PTPRG: variants seen among roughly 807,000 people sequenced by gnomAD.
The protein encoded by PTPRG is receptor-type tyrosine-protein phosphatase gamma.
PTPRG carries 102 observed loss-of-function variants against 165.3 expected under a neutral mutation model. That is an observed-to-expected ratio of 0.62 (90% confidence interval 0.53 to 0.73). The LOEUF is 0.73. Ranked by LOEUF, PTPRG falls within the 30% of genes least tolerant of loss-of-function variation. The pLI, the probability that PTPRG is intolerant of heterozygous loss-of-function variation, is 0.00. For synonymous variants in PTPRG, 675 were observed against 669.5 expected (o/e 1.01, Z -0.13); for missense variants, 1,866 against 1,861.4 (o/e 1.00, Z -0.05).
At chr3:61,800,130 C>T (rs2035188008) in intron 2 of PTPRG, among the ~76,000 whole-genome samples, 1 of 152,140 alleles carries the variant, frequency 6.6e-6, no homozygotes, top group African/African-American at 2.4e-5. Flanking sequence ...ATTGTAATTA[C>T]TGAATAAATA....
In PTPRG at chr3:62,248,436, C is replaced by T. The variant is rs147702676; in HGVS notation, c.2467+4538C>T. On this transcript the variant is annotated intron_variant, in intron 15 of 29. Transcript: ENST00000474889. ...AGCATAATTGAATGCAGTAACACAGCTGTCAGTCCCCTCATATGCTTTCCA... is the reference window on the plus strand; with the variant it reads ...AGCATAATTGAATGCAGTAACACAGTTGTCAGTCCCCTCATATGCTTTCCA... Among the ~76,000 whole-genome samples, 434 of 152,270 alleles carry T rather than the reference C, an allele frequency of 2.9e-3. 2 individuals carry two copies. The highest frequency in any genetic ancestry group is 0.01 in the African/African-American group (426 of 41,566).
chr3:62,069,461 A>G (rs969471655), intron 4 of PTPRG, among the ~76,000 whole-genome samples: 2 of 152,200 alleles, frequency 1.3e-5, no homozygotes, highest in Non-Finnish European at 2.9e-5. Context: ...GAAAGAAGTG[A>G]GAGAAGATGA....
intron 1 of PTPRG, among the ~76,000 whole-genome samples, chr3:61,683,719 C>T (rs1703527073): frequency 1.3e-5 from 2 of 152,302 alleles, no homozygotes; most frequent in Non-Finnish European, 2.9e-5. Flanking sequence ...ATGACTTCAC[C>T]GTCACTTGAA....
intron 2 of PTPRG, among the ~76,000 whole-genome samples, chr3:61,872,325 T>TC (rs2037607614): frequency 6.6e-6 from 1 of 152,152 alleles, no homozygotes; most frequent in Non-Finnish European, 1.5e-5. Flanking sequence ...AATAGTCACT[T>TC]CACTCCAGTC....
At chr3:61,775,183 GC>G (rs1319883453) in intron 2 of PTPRG, among the ~76,000 whole-genome samples, 1 of 152,114 alleles carries the variant, frequency 6.6e-6, no homozygotes, top group Non-Finnish European at 1.5e-5. Context: ...TGATTCTCCT[GC>G]CTTGCTCTCC....
intron 1 of PTPRG, chr3:61,742,529 G>A: frequency 6.3e-7 from 1 of 1,596,222 alleles, no homozygotes; most frequent in South Asian, 1.1e-5. Context: ...TTTTTCTTGA[G>A]CAATGACACC....
chr3:62,166,326 A>G (rs990655003), intron 7 of PTPRG, among the ~76,000 whole-genome samples: 4 of 132,740 alleles, frequency 3.0e-5, no homozygotes, highest in African/African-American at 1.1e-4. Context: ...TACTTTTTTT[A>G]TTTTTAAAAA....
intron 28 of PTPRG, among the ~76,000 whole-genome samples, chr3:62,287,022 A>G (rs1305115476): frequency 6.6e-6 from 1 of 152,124 alleles, no homozygotes; most frequent in Non-Finnish European, 1.5e-5. Context: ...AATACTTTTA[A>G]TTTTACTGCT....
chr3:62,003,758 T>G (rs1399471711), intron 4 of PTPRG, among the ~76,000 whole-genome samples: 1 of 152,196 alleles, frequency 6.6e-6, no homozygotes, highest in Non-Finnish European at 1.5e-5. Context: ...ATCATGTGTT[T>G]CATTTGACAC....
Position 61,905,885 on chromosome 3 carries a change from T to G in PTPRG, c.191-83740T>G, listed in dbSNP as rs182623870. 2.8e-3 allele frequency among the ~76,000 whole-genome samples: 427 copies of G among 152,354 alleles called. 3 individuals carry two copies. The highest frequency in any genetic ancestry group is 4.0e-3 in the Non-Finnish European group (275 of 68,036). ...CTAGATGAAATAGACCATTCAGTATTTCATCACTAATTTTACATGTATTAT... is the reference window on the plus strand; with the variant it reads ...CTAGATGAAATAGACCATTCAGTATGTCATCACTAATTTTACATGTATTAT... On this transcript the variant is annotated intron_variant, in intron 2 of 29. Transcript: ENST00000474889.
intron 4 of PTPRG, among the ~76,000 whole-genome samples, chr3:62,005,469 C>G (rs1023441909): frequency 6.6e-6 from 1 of 152,044 alleles, no homozygotes; most frequent in African/African-American, 2.4e-5. Flanking sequence ...GCCTCTTTGT[C>G]TTAGAATTGG....
rs1575502091 is a variant in PTPRG at position 61,562,374 on chromosome 3, T to C, written c.85+2T>C. 6.2e-7 allele frequency: 1 copy of C among 1,613,154 alleles called. No homozygotes were observed. Among genetic ancestry groups the C allele is most frequent in the East Asian group, 2.2e-5 (1 of 44,814 alleles). Reference sequence around the variant, plus strand: ...TCCATTATGTCGTGTGCTTCCCCGGTGAGTGCCGGCCGCCGAGGGGATGCG... The same window carrying C: ...TCCATTATGTCGTGTGCTTCCCCGGCGAGTGCCGGCCGCCGAGGGGATGCG... On this transcript the variant is annotated splice_donor_variant, in intron 1 of 29. Transcript: ENST00000474889. LOFTEE classifies it high-confidence loss of function.
intron 1 of PTPRG, among the ~76,000 whole-genome samples, chr3:61,745,050 A>ATTTTTTTTTTT (rs2033143265): frequency 2.3e-5 from 1 of 43,092 alleles, no homozygotes; most frequent in Admixed American, 2.0e-4. Flanking sequence ...TCATTCCCTC[A>ATTTTTTTTTTT]CTTTTTTTTT....
At chr3:62,257,449 C>T (rs1246390532) in intron 16 of PTPRG, among the ~76,000 whole-genome samples, 1 of 152,116 alleles carries the variant, frequency 6.6e-6, no homozygotes, top group Non-Finnish European at 1.5e-5. Flanking sequence ...ATAATGATGG[C>T]CAGCATTTAC....
Position 62,137,195 on chromosome 3 carries a change from T to G in PTPRG, c.682+4527T>G, listed in dbSNP as rs73840222. On this transcript the variant is annotated intron_variant, in intron 6 of 29. Coordinates refer to ENST00000474889, the MANE Select transcript of PTPRG (RefSeq NM_002841.4). ...AGAAGAAAGACTTAGGGGAAAATTG[T>G]AAATCCTATTCACTGTATTGGTTCA... Among the ~76,000 whole-genome samples the G allele has an allele frequency of 4.4e-3, 672 of 152,312 alleles. 4 individuals carry two copies. Among genetic ancestry groups the G allele is most frequent in the African/African-American group, 0.015 (624 of 41,570 alleles).
intron 2 of PTPRG, among the ~76,000 whole-genome samples, chr3:61,953,139 C>G (rs907583160): frequency 1.3e-5 from 2 of 152,158 alleles, no homozygotes; most frequent in Non-Finnish European, 2.9e-5. Flanking sequence ...TACTCAGAAA[C>G]GCTTTCCCTC....
intron 1 of PTPRG, among the ~76,000 whole-genome samples, chr3:61,610,773 A>C (rs28448565): frequency 0.38 from 15,817 of 41,526 alleles, 1,373 homozygotes; most frequent in Middle Eastern, 0.44. Flanking sequence ...CTCCCTCCCT[A>C]CCTCCCTCCC....
At position 62,068,795 on chromosome 3, in the gene PTPRG, C is replaced by T. The variant is rs920709749; in HGVS notation, c.520-9368C>T. Among the ~76,000 whole-genome samples, 3 of 152,242 alleles carry T rather than the reference C, an allele frequency of 2.0e-5. No homozygotes were observed. The South Asian group carries it at 6.2e-4, about 32-fold the overall frequency. ...ATAGCCCTAGTGTGCACCTTAGGTT[C>T]TACTGCCCCAAAACTTGGGATTCCT... On this transcript the variant is annotated intron_variant, in intron 4 of 29. Coordinates refer to ENST00000474889, the MANE Select transcript of PTPRG (RefSeq NM_002841.4).
chr3:61,959,501 A>G (rs865941605), intron 2 of PTPRG, among the ~76,000 whole-genome samples: 9 of 152,322 alleles, frequency 5.9e-5, no homozygotes, highest in South Asian at 2.1e-4. Flanking sequence ...ATGAGAATGT[A>G]ATGCTGCCGC....
Sources: allele counts gnomAD v4.1 joint callset (sites outside exome capture counted in the v4.1 genomes callset), GRCh38; gene constraint gnomAD v4.1.1; transcripts MANE v1.5; gene names NCBI Gene and HGNC (gene_info 2026-07-23, HGNC 2026-07-21).